The following CRMP1 variants were observed in gnomAD, a reference collection of about 807,000 sequenced individuals.
CRMP1 encodes the protein dihydropyrimidinase-related protein 1.
CRMP1 carries 19 observed loss-of-function variants against 68.3 expected under a neutral mutation model. The observed-to-expected ratio is 0.28, with a 90% CI of 0.19 to 0.41. The LOEUF is 0.41. Among genes scored for constraint, CRMP1 ranks in the 10% least tolerant of loss-of-function variants. CRMP1 has a pLI of 1.00. For synonymous variants in CRMP1, 439 were observed against 399.6 expected, an observed-to-expected ratio of 1.10 and a Z score of -1.18; for missense variants, 791 against 967.4, an observed-to-expected ratio of 0.82 and a Z score of 2.42.
In CRMP1 at chr4:5,825,287, C is replaced by T. The variant is rs1719363509; in HGVS notation, c.1969+207G>A. On this transcript the variant is annotated intron_variant, in intron 13 of 13. Coordinates refer to ENST00000324989, the MANE Select transcript of CRMP1 (RefSeq NM_001014809.3). This position sits in a 1 kb window ranked among gnomAD's most constrained non-coding sequence, Gnocchi z 4.4. ...ACCCACATCAGGTACCACCATGTTGCCCCCCTAACATGGACCCCCCTCTGC... is the reference window on the plus strand; with the variant it reads ...ACCCACATCAGGTACCACCATGTTGTCCCCCTAACATGGACCCCCCTCTGC... The T allele has an allele frequency of 7.1e-6, 7 of 985,208 alleles. No homozygotes were observed. The highest frequency in any genetic ancestry group is 8.4e-6 in the Non-Finnish European group (7 of 829,898). The allele number at this position is 985,208 out of a possible 1,614,324, so 61.0% of individuals were successfully genotyped here. A position where few individuals can be genotyped will look rare whatever the true frequency, so the allele number is the denominator to read the frequency against.
rs373390925 is a variant in CRMP1 at position 5,835,949 on chromosome 4, T to A, written c.1589A>T (p.Lys530Met). ...DADVVIWDPDKLKTITAKSHK... is the reference protein window; with the variant it reads ...DADVVIWDPDMLKTITAKSHK... ...ACTTTTGGCTGTTATGGTCTTCAAC[T>A]TGTCGGGGTCCCAGATGACCACGTC... Residue 530 changes from lysine (K) to methionine (M), a missense_variant, in exon 11 of 14, where the codon AAG becomes ATG. By Grantham distance (95) the Lys-to-Met change is moderately conservative. This residue lies in a region of CRMP1 where 594 missense variants were observed against 763.6 expected (regional missense o/e 0.78). Transcript: ENST00000324989. 50 of 1,583,964 alleles carry A rather than the reference T, an allele frequency of 3.2e-5. No homozygotes were observed. Among genetic ancestry groups the A allele is most frequent in the Non-Finnish European group, 3.9e-5 (45 of 1,165,704 alleles).
Position 5,834,809 on chromosome 4 carries a change from T to C in CRMP1, c.1623+1106A>G, listed in dbSNP as rs956925112. Among the ~76,000 whole-genome samples, 4 of 152,108 alleles carry C rather than the reference T, an allele frequency of 2.6e-5. No homozygotes were observed. The highest frequency in any genetic ancestry group is 4.4e-5 in the Non-Finnish European group (3 of 68,018). The stretch of plus-strand genomic sequence containing the variant: ...TCTCAGGCACCCCGTTCCCTGGAGA[T>C]GGGGGCTGTGGGAAGCAAGTAGTGT... On this transcript the variant is annotated intron_variant, in intron 11 of 13. Coordinates refer to ENST00000324989, the MANE Select transcript of CRMP1 (RefSeq NM_001014809.3). The surrounding 1 kb of genome is among the most constrained non-coding windows in gnomAD (Gnocchi z 4.3).
chr4:5,870,901 A>G lies in CRMP1; in HGVS notation c.382-4145T>C, dbSNP rs923601523. ...TTTCCCCGGCTCCAGAACAGGAAAC[A>G]TAAGTCACCAGCAGCTGGTGCATGG... is the stretch of plus-strand genomic sequence containing the variant. On this transcript the variant is annotated intron_variant, in intron 1 of 13. Coordinates refer to ENST00000324989, the MANE Select transcript of CRMP1 (RefSeq NM_001014809.3). This position sits in a 1 kb window ranked among gnomAD's most constrained non-coding sequence, Gnocchi z 6.0. Among the ~76,000 whole-genome samples the G allele has an allele frequency of 1.3e-5, 2 of 152,218 alleles. No individual in the cohort carries two copies. The highest frequency in any genetic ancestry group is 2.4e-5 in the African/African-American group (1 of 41,460).
At chr4:5,833,158 A>ATTTTT (rs1720495699) in intron 11 of CRMP1, among the ~76,000 whole-genome samples, 5 of 124,784 alleles carry the variant, frequency 4.0e-5, no homozygotes, top group South Asian at 5.0e-4. Flanking sequence ...ACCTTCCAGA[A>ATTTTT]CTTTTTTTTT....
At position 5,881,857 on chromosome 4, in the gene CRMP1, T is replaced by C. The variant is rs1237978024; in HGVS notation, c.381+10732A>G. 6.6e-6 allele frequency among the ~76,000 whole-genome samples: 1 copy of C among 152,154 alleles called. No homozygotes were observed. Among genetic ancestry groups the C allele is most frequent in the East Asian group, 1.9e-4 (1 of 5,188 alleles). Reference sequence around the variant, plus strand: ...CACTGGTTGTTGAAATAGCTTGCATTTTTCTGTCTTCTACCAATACCTTTT... The same window carrying C: ...CACTGGTTGTTGAAATAGCTTGCATCTTTCTGTCTTCTACCAATACCTTTT... On this transcript the variant is annotated intron_variant, in intron 1 of 13. Coordinates refer to ENST00000324989, the MANE Select transcript of CRMP1 (RefSeq NM_001014809.3). This position sits in a 1 kb window ranked among gnomAD's most constrained non-coding sequence, Gnocchi z 4.6.
In CRMP1 at chr4:5,825,871, A is replaced by AGAC. The variant is rs1560478355; in HGVS notation, c.1804-213_1804-212insGTC. 2.0e-5 allele frequency: 11 copies of AGAC among 549,104 alleles called. No homozygotes were observed. Among genetic ancestry groups the AGAC allele is most frequent in the Non-Finnish European group, 2.9e-5 (9 of 313,690 alleles). 34.0% of individuals were successfully genotyped at this position (549,104 alleles called of 1,614,324 possible). On this transcript the variant is annotated intron_variant, in intron 12 of 13. Coordinates refer to ENST00000324989, the MANE Select transcript of CRMP1 (RefSeq NM_001014809.3). This position sits in a 1 kb window ranked among gnomAD's most constrained non-coding sequence, Gnocchi z 4.4. ...TACACACAAGCATGCATACACACAC[A>AGAC]TCTACATACCCACATGCATACACAT...
intron 1 of CRMP1, among the ~76,000 whole-genome samples, chr4:5,882,861 C>T (rs571081009): frequency 3.9e-5 from 6 of 152,294 alleles, no homozygotes; most frequent in African/African-American, 1.4e-4. Context: ...AAAAGGAATC[C>T]GAGGCCCAGG....
rs550567988 is a variant in CRMP1 at position 5,861,958 on chromosome 4, A to G, written c.471-748T>C. 2.5e-3 allele frequency among the ~76,000 whole-genome samples: 388 copies of G among 152,336 alleles called. 1 individual carries two copies. The highest frequency in any genetic ancestry group is 0.01 in the Middle Eastern group (3 of 294). On this transcript the variant is annotated intron_variant, in intron 2 of 13. Coordinates refer to ENST00000324989, the MANE Select transcript of CRMP1 (RefSeq NM_001014809.3). The surrounding 1 kb of genome is among the most constrained non-coding windows in gnomAD (Gnocchi z 6.0). ...ACAGGAAGATGCTGCTTCAGTGACC[A>G]AAAGTGCAGCTCTAGACAGAATCCA...
At chr4:5,848,978 C>A (rs1314725159) in intron 6 of CRMP1, among the ~76,000 whole-genome samples, 2 of 152,238 alleles carry the variant, frequency 1.3e-5, no homozygotes, top group Non-Finnish European at 2.9e-5. Flanking sequence ...TTGAAGGACA[C>A]ATTCAAGCCA....
rs1718661265 is a variant in CRMP1 at position 5,821,963 on chromosome 4, G to T, written c.1970-112C>A. The T allele has an allele frequency of 1.4e-5, 12 of 839,952 alleles. No homozygotes were observed. In the Admixed American group the frequency reaches 3.0e-4, roughly 21 times the overall value. The allele number at this position is 839,952 out of a possible 1,614,324, so 52.0% of individuals were successfully genotyped here. On this transcript the variant is annotated intron_variant, in intron 13 of 13. Coordinates refer to ENST00000324989, the MANE Select transcript of CRMP1 (RefSeq NM_001014809.3). The surrounding 1 kb of genome is among the most constrained non-coding windows in gnomAD (Gnocchi z 4.4). Reference sequence around the variant, plus strand: ...CTCCACTGGACCCACCTTCATTCAGGGCTCAGTCCAGGACCAGCCATGGGA... The same window carrying T: ...CTCCACTGGACCCACCTTCATTCAGTGCTCAGTCCAGGACCAGCCATGGGA...
At chr4:5,862,460 C>G (rs931710554) in intron 2 of CRMP1, among the ~76,000 whole-genome samples, 14 of 152,210 alleles carry the variant, frequency 9.2e-5, no homozygotes, top group African/African-American at 3.4e-4. Context: ...CCTCTCCAAA[C>G]GTGTGGGCTT....
rs545433332 is a variant in CRMP1, at chr4:5,874,317, G to A, written c.382-7561C>T. Among the ~76,000 whole-genome samples the A allele has an allele frequency of 3.9e-5, 6 of 152,310 alleles. No homozygotes were observed. In the South Asian group the frequency reaches 1.2e-3, roughly 32 times the overall value. ...AAAAGTGCTAGATAATAAAATGTGA[G>A]GAGAAAAAGCAAACTACAAAATTCT... On this transcript the variant is annotated intron_variant, in intron 1 of 13. Transcript: ENST00000324989.
At chr4:5,837,381 G>A (rs1720788420) in intron 9 of CRMP1, among the ~76,000 whole-genome samples, 1 of 151,292 alleles carries the variant, frequency 6.6e-6, no homozygotes, top group Admixed American at 6.6e-5. Flanking sequence ...TGTAATCCCA[G>A]CACTTTGGGA....
At chr4:5,856,523 C>T (rs1375020556) in intron 3 of CRMP1, among the ~76,000 whole-genome samples, 1 of 151,690 alleles carries the variant, frequency 6.6e-6, no homozygotes, top group Non-Finnish European at 1.5e-5. Flanking sequence ...CCATGACCAT[C>T]ATTACCATCA....
At chr4:5,823,394 C>T (rs1172730874) in intron 13 of CRMP1, among the ~76,000 whole-genome samples, 4 of 152,218 alleles carry the variant, frequency 2.6e-5, no homozygotes, top group Non-Finnish European at 4.4e-5. Flanking sequence ...TTCCTTACAA[C>T]CATCTGTACC....
In CRMP1 at chr4:5,888,305, G is replaced by C. The variant is rs919259971; in HGVS notation, c.381+4284C>G. 3 of 1,252,234 alleles carry C rather than the reference G, an allele frequency of 2.4e-6. No homozygotes were observed. The highest frequency in any genetic ancestry group is 1.6e-5 in the African/African-American group (1 of 64,494). The allele number at this position is 1,252,234 out of a possible 1,614,324, so 77.6% of individuals were successfully genotyped here. ...GCCCTCGGCCCGGCCGCTGACCTGC[G>C]GGGCTGTCTGACTGGAACCGGCGCT... On this transcript the variant is annotated intron_variant, in intron 1 of 13. Transcript: ENST00000324989. This position sits in a 1 kb window ranked among gnomAD's most constrained non-coding sequence, Gnocchi z 6.4.
Position 5,866,662 on chromosome 4 carries a change from A to C in CRMP1, c.470+6T>G, listed in dbSNP as rs1433807861. 1 of 1,609,958 alleles carries C rather than the reference A, an allele frequency of 6.2e-7. No homozygotes were observed. The highest frequency in any genetic ancestry group is 2.2e-5 in the East Asian group (1 of 44,822). ...TTTCTTAAAAGGTCCGTTTTGATCAACCCACTTGATAAGTCCATCCTCCAG... is the reference window on the plus strand; with the variant it reads ...TTTCTTAAAAGGTCCGTTTTGATCACCCCACTTGATAAGTCCATCCTCCAG... On this transcript the variant is annotated splice_donor_region_variant and intron_variant, in intron 2 of 13. Coordinates refer to ENST00000324989, the MANE Select transcript of CRMP1 (RefSeq NM_001014809.3). The surrounding 1 kb of genome is among the most constrained non-coding windows in gnomAD (Gnocchi z 5.9).
chr4:5,863,948 A>C (rs1713788348), intron 2 of CRMP1, among the ~76,000 whole-genome samples: 1 of 152,192 alleles, frequency 6.6e-6, no homozygotes, highest in South Asian at 2.1e-4. Context: ...CAGCTTCACA[A>C]GTCCGGAGTA....
chr4:5,822,280 C>T (rs773933319), intron 13 of CRMP1, among the ~76,000 whole-genome samples: 23 of 152,264 alleles, frequency 1.5e-4, no homozygotes, highest in Middle Eastern at 3.4e-3. Context: ...ACGTGTCTTG[C>T]GGGACACAGG....
Sources: gnomAD v4.1 joint callset for allele counts (sites outside exome capture counted in the v4.1 genomes callset) on GRCh38, gnomAD v4.1.1 for gene constraint, gnomAD v4.1.1 regional missense constraint, Gnocchi (gnomAD v3.1) non-coding constraint, MANE v1.5 for transcripts, NCBI Gene and HGNC (gene_info 2026-07-23, HGNC 2026-07-21) for gene names.